LMBRD1: variants seen among roughly 807,000 people sequenced by gnomAD.
The protein encoded by LMBRD1 is lysosomal cobalamin transport escort protein LMBD1.
LMBRD1 carries 64 observed loss-of-function variants against 74.8 expected under a neutral mutation model. The observed-to-expected ratio is 0.86, with a 90% CI of 0.70 to 1.05. The LOEUF (loss-of-function observed/expected upper bound fraction) is 1.05, where lower values mean the gene tolerates loss of function less well. Among genes scored for constraint, LMBRD1 ranks in the 50% least tolerant of loss-of-function variants. The pLI, the probability that LMBRD1 is intolerant of heterozygous loss-of-function variation, is 0.00. For missense variants in LMBRD1, 652 were observed against 645.9 expected (o/e 1.01, Z -0.10); for synonymous variants, 204 against 216.3 (o/e 0.94, Z 0.50).
At chr6:69,796,673 T>A in intron 1 of LMBRD1, 140 bp downstream of exon 1, 176 of 568,724 alleles carry the variant, frequency 3.1e-4, no homozygotes, top group Middle Eastern at 4.0e-4. Flanking sequence ...CCCCCAACAC[T>A]AAGGAGCCCT....
At chr6:69,769,898 A>G (rs191878678) in intron 3 of LMBRD1, among the ~76,000 whole-genome samples, 31 of 152,314 alleles carry the variant, frequency 2.0e-4, no homozygotes, top group African/African-American at 7.0e-4. Flanking sequence ...ACTCAAGCCA[A>G]TAAGACTTCC....
At chr6:69,730,603 A>C (rs1582097125) in intron 7 of LMBRD1, among the ~76,000 whole-genome samples, 1 of 152,272 alleles carries the variant, frequency 6.6e-6, no homozygotes, top group South Asian at 2.1e-4. Flanking sequence ...AGCAAGTTAC[A>C]TTACAGTCAC....
chr6:69,696,109 A>AT (rs1439632729), intron 14 of LMBRD1, among the ~76,000 whole-genome samples: 4 of 151,978 alleles, frequency 2.6e-5, no homozygotes, highest in East Asian at 3.9e-4. Context: ...CTCCCAGTGT[A>AT]TTTTTTATCT....
chr6:69,707,844 T>A (rs1766295343), intron 9 of LMBRD1, among the ~76,000 whole-genome samples: 1 of 152,136 alleles, frequency 6.6e-6, no homozygotes, highest in African/African-American at 2.4e-5. Context: ...TACCGTTTAA[T>A]AAATACATTG....
At position 69,676,532 on chromosome 6, in the gene LMBRD1, GTACACTGATC is replaced by G; in HGVS notation, c.1418-1_1426del. ...AAGGAATAGGTATGTCCGGGTAACAGTACACTGATCTGTGAAAGCAAATAAAAGACTATGG... is the reference window on the plus strand; with the variant it reads ...AAGGAATAGGTATGTCCGGGTAACAGTGTGAAAGCAAATAAAAGACTATGG... On this transcript the variant is annotated splice_acceptor_variant and coding_sequence_variant, in exon 15 of 16. Coordinates refer to ENST00000649934, the MANE Select transcript of LMBRD1 (RefSeq NM_018368.4). LOFTEE classifies it high-confidence loss of function. 6.2e-7 allele frequency: 1 copy of G among 1,611,666 alleles called. No homozygotes were observed. Among genetic ancestry groups the G allele is most frequent in the Non-Finnish European group, 8.5e-7 (1 of 1,178,040 alleles).
chr6:69,713,185 T>C (rs1466901449), intron 9 of LMBRD1, among the ~76,000 whole-genome samples: 2 of 152,012 alleles, frequency 1.3e-5, no homozygotes, highest in Non-Finnish European at 2.9e-5. Flanking sequence ...AAGGAAAGGA[T>C]AGTCAATCCA....
At chr6:69,747,430 C>T (rs1190406053) in intron 5 of LMBRD1, among the ~76,000 whole-genome samples, 5 of 152,212 alleles carry the variant, frequency 3.3e-5, no homozygotes, top group African/African-American at 7.2e-5. Flanking sequence ...ATTTAAGCCA[C>T]CCAGTCTATG....
At chr6:69,734,632 G>T (rs551632394) in intron 7 of LMBRD1, among the ~76,000 whole-genome samples, 1 of 152,120 alleles carries the variant, frequency 6.6e-6, no homozygotes, top group East Asian at 1.9e-4. Flanking sequence ...CTGACCTCAG[G>T]TGACCCGCCC....
intron 14 of LMBRD1, among the ~76,000 whole-genome samples, chr6:69,691,162 A>T (rs1765870304): frequency 1.0e-5 from 1 of 100,082 alleles, no homozygotes. Flanking sequence ...TTTTTTTTTA[A>T]CAATTTAAAG....
At chr6:69,705,886 A>T in intron 9 of LMBRD1, 1 of 1,339,470 alleles carries the variant, frequency 7.5e-7, no homozygotes, top group Non-Finnish European at 1.1e-6. Context: ...TGTTATTTCA[A>T]AGCCCCTAAG....
At chr6:69,758,667 A>G (rs1765315678) in intron 3 of LMBRD1, among the ~76,000 whole-genome samples, 1 of 152,140 alleles carries the variant, frequency 6.6e-6, no homozygotes, top group Non-Finnish European at 1.5e-5. Context: ...AGACTGAAAC[A>G]CTATATGACT....
intron 7 of LMBRD1, among the ~76,000 whole-genome samples, chr6:69,727,799 T>C (rs930344827): frequency 3.3e-5 from 5 of 152,168 alleles, no homozygotes; most frequent in East Asian, 1.9e-4. Flanking sequence ...AAGTACCTGA[T>C]AGTTCCTTTA....
intron 6 of LMBRD1, among the ~76,000 whole-genome samples, chr6:69,741,446 G>A (rs1189042089): frequency 8.8e-6 from 1 of 113,468 alleles, no homozygotes. Context: ...GAATGCAATG[G>A]CGCAATTCAG....
chr6:69,705,058 A>G (rs1766222573), intron 9 of LMBRD1, among the ~76,000 whole-genome samples: 2 of 151,958 alleles, frequency 1.3e-5, no homozygotes, highest in Admixed American at 1.3e-4. Flanking sequence ...ACTATGTCCT[A>G]TCATAACATT....
chr6:69,753,342 C>A (rs1334209013), intron 3 of LMBRD1, among the ~76,000 whole-genome samples: 1 of 152,124 alleles, frequency 6.6e-6, no homozygotes, highest in East Asian at 1.9e-4. Flanking sequence ...AAAGCAATTA[C>A]AGAATGATAA....
intron 6 of LMBRD1, among the ~76,000 whole-genome samples, chr6:69,741,289 G>C (rs966542179): frequency 1.3e-5 from 2 of 152,062 alleles, no homozygotes; most frequent in African/African-American, 4.8e-5. Context: ...GTAATAGCTA[G>C]ATGGCTAAAA....
chr6:69,722,918 C>A (rs994260928), intron 7 of LMBRD1, among the ~76,000 whole-genome samples: 1 of 152,118 alleles, frequency 6.6e-6, no homozygotes, highest in African/African-American at 2.4e-5. Context: ...AAATCCAAGA[C>A]CCATTGATCT....
intron 7 of LMBRD1, among the ~76,000 whole-genome samples, chr6:69,729,462 C>T (rs1053861552): frequency 6.6e-6 from 1 of 151,826 alleles, no homozygotes; most frequent in Non-Finnish European, 1.5e-5. Flanking sequence ...TATGTAATGA[C>T]TAAGTCCCAA....
chr6:69,681,902 A>G (rs1449857523), intron 14 of LMBRD1, among the ~76,000 whole-genome samples: 1 of 151,958 alleles, frequency 6.6e-6, no homozygotes, highest in Non-Finnish European at 1.5e-5. Context: ...AATGGTTTTA[A>G]GAAAGAATAA....
Sources: allele counts gnomAD v4.1 joint callset (sites outside exome capture counted in the v4.1 genomes callset), GRCh38; gene constraint gnomAD v4.1.1; transcripts MANE v1.5; gene names NCBI Gene and HGNC (gene_info 2026-07-23, HGNC 2026-07-21).